Variants in SFMBT2 observed in about 807,000 individuals in gnomAD.
The protein encoded by SFMBT2 is Scm like with four mbt domains 2.
Under a neutral mutation model 110.1 loss-of-function variants are expected in SFMBT2, and 38 were observed. That is an observed-to-expected ratio of 0.35 (90% CI 0.27 to 0.45). SFMBT2 has a LOEUF of 0.45. SFMBT2 is among the 20% of genes least tolerant of loss of function. SFMBT2 has a pLI of 1.00. For missense variants in SFMBT2, 1,011 were observed against 1,094.9 expected (o/e 0.92, Z 1.08); for synonymous variants, 425 against 425.4 (o/e 1.00, Z 0.01).
At chr10:7,370,612 G>C (rs1845034696) in intron 2 of SFMBT2, among the ~76,000 whole-genome samples, 1 of 152,210 alleles carries the variant, frequency 6.6e-6, no homozygotes, top group Admixed American at 6.5e-5. Flanking sequence ...GAGTAACACT[G>C]GGTTCTCTGG....
At position 7,172,937 on chromosome 10, in the gene SFMBT2, A is replaced by C. The variant is rs1214608330; in HGVS notation, c.1985-276T>G. Among the ~76,000 whole-genome samples, 2 of 152,030 alleles carry C rather than the reference A, an allele frequency of 1.3e-5. No individual in the cohort carries two copies. The highest frequency in any genetic ancestry group is 4.8e-5 in the African/African-American group (2 of 41,344). On this transcript the variant is annotated intron_variant, in intron 17 of 20. Coordinates refer to ENST00000397167, the MANE Select transcript of SFMBT2 (RefSeq NM_001387889.1). This position sits in a 1 kb window ranked among gnomAD's most constrained non-coding sequence, Gnocchi z 4.6. ...TCCCGAACCCCCAAAGTGAGTGTAC[A>C]AGGGTGGGGCCCTAATCCAATAGGA...
intron 4 of SFMBT2, among the ~76,000 whole-genome samples, chr10:7,326,299 T>C (rs1375560492): frequency 6.6e-6 from 1 of 152,274 alleles, no homozygotes; most frequent in Non-Finnish European, 1.5e-5. Context: ...CCTTTGTGTC[T>C]GGCAGAACAT....
At chr10:7,394,449 C>T (rs1202495493) in intron 1 of SFMBT2, among the ~76,000 whole-genome samples, 1 of 151,554 alleles carries the variant, frequency 6.6e-6, no homozygotes, top group African/African-American at 2.4e-5. Context: ...GGGAACACGC[C>T]ACTTCCTAGT....
At chr10:7,263,074 A>G (rs2692778) in intron 7 of SFMBT2, among the ~76,000 whole-genome samples, 135,216 of 152,140 alleles carry the variant, frequency 0.89, 60,192 homozygotes, top group East Asian at 0.92. Flanking sequence ...CTGCAGAACC[A>G]TGCTTTCAGG....
chr10:7,175,309 A>C (rs992804202), intron 17 of SFMBT2, among the ~76,000 whole-genome samples: 1 of 152,224 alleles, frequency 6.6e-6, no homozygotes, highest in Non-Finnish European at 1.5e-5. Flanking sequence ...GGTCATCAGA[A>C]AGAAAGAAGG....
intron 2 of SFMBT2, among the ~76,000 whole-genome samples, chr10:7,377,749 T>C (rs1845280735): frequency 1.3e-5 from 2 of 152,118 alleles, no homozygotes; most frequent in Non-Finnish European, 2.9e-5. Flanking sequence ...CAGCTGTCAA[T>C]ACAGATGAAA....
chr10:7,242,404 A>G (rs1237042162), intron 9 of SFMBT2, among the ~76,000 whole-genome samples: 1 of 152,192 alleles, frequency 6.6e-6, no homozygotes, highest in Non-Finnish European at 1.5e-5. Context: ...CTGGAGACCT[A>G]CGATCCAAAT....
chr10:7,176,545 T>G (rs1032727195), intron 16 of SFMBT2: 3 of 981,694 alleles, frequency 3.1e-6, no homozygotes, highest in Admixed American at 6.2e-5. Flanking sequence ...ATTTCATTTT[T>G]GAAAAATGTG....
intron 10 of SFMBT2, 44 bp from the exon 11 acceptor site, chr10:7,220,581 C>A: frequency 2.5e-6 from 4 of 1,609,890 alleles, no homozygotes; most frequent in Non-Finnish European, 2.5e-6. Flanking sequence ...GCTGACGCAG[C>A]AGGACAAAGC....
rs750936248 is a variant in SFMBT2 at position 7,174,599 on chromosome 10, G to A, written c.1984+1391C>T. 3.3e-5 allele frequency among the ~76,000 whole-genome samples: 5 copies of A among 152,194 alleles called. No homozygotes were observed. In the South Asian group the frequency reaches 6.2e-4, roughly 19 times the overall value. ...CCGGAGACATCTCTGAGTTCATTTCGGCAATGCTGAATGGGAGGTGTGGGA... is the reference window on the plus strand; with the variant it reads ...CCGGAGACATCTCTGAGTTCATTTCAGCAATGCTGAATGGGAGGTGTGGGA... On this transcript the variant is annotated intron_variant, in intron 17 of 20. Coordinates refer to ENST00000397167, the MANE Select transcript of SFMBT2 (RefSeq NM_001387889.1).
chr10:7,189,762 T>A (rs2131579003), intron 15 of SFMBT2, among the ~76,000 whole-genome samples: 1 of 152,314 alleles, frequency 6.6e-6, no homozygotes, highest in Middle Eastern at 3.4e-3. Context: ...ACGCCAGGCA[T>A]GGAGCTCACA....
Position 7,367,569 on chromosome 10 carries a change from T to A in SFMBT2, c.436+80A>T, listed in dbSNP as rs1450599152. On this transcript the variant is annotated intron_variant, in intron 4 of 20. Transcript: ENST00000397167. The surrounding 1 kb of genome is among the most constrained non-coding windows in gnomAD (Gnocchi z 6.2). ...AGACCATTAGGGATTCTACGCAAGGTTCTCTCTGCTCCTTGCAAAATTACA... is the reference window on the plus strand; with the variant it reads ...AGACCATTAGGGATTCTACGCAAGGATCTCTCTGCTCCTTGCAAAATTACA... The A allele has an allele frequency of 6.5e-7, 1 of 1,537,230 alleles. No individual in the cohort carries two copies. Among genetic ancestry groups the A allele is most frequent in the East Asian group, 2.3e-5 (1 of 44,294 alleles).
intron 2 of SFMBT2, among the ~76,000 whole-genome samples, chr10:7,377,962 G>T (rs12259956): frequency 0.095 from 11,506 of 121,578 alleles, 849 homozygotes; most frequent in African/African-American, 0.19. Flanking sequence ...ATTTTGTGTG[G>T]GGGGGGGTTG....
At position 7,159,252 on chromosome 10, in the gene SFMBT2, T is replaced by C. The variant is rs1837488140; in HGVS notation, c.*4518A>G. 6.6e-6 allele frequency: 1 copy of C among 152,336 alleles called. No homozygotes were observed. Among genetic ancestry groups the C allele is most frequent in the South Asian group, 2.1e-4 (1 of 4,832 alleles). 9.4% of individuals were successfully genotyped at this position (152,336 alleles called of 1,614,324 possible). On this transcript the variant is annotated 3_prime_UTR_variant, in exon 21 of 21. Transcript: ENST00000397167. ...GAATTATTTGAGTTGTTACTTGTCA[T>C]TGAAACTAGAGAGGTTTTAAACCAA...
intron 17 of SFMBT2, among the ~76,000 whole-genome samples, chr10:7,173,057 T>C (rs903332862): frequency 1.3e-5 from 2 of 152,204 alleles, no homozygotes; most frequent in African/African-American, 4.8e-5. Context: ...GGTGGCTGCC[T>C]GAGGCCCAGG....
At chr10:7,232,157 T>G (rs553092557) in intron 9 of SFMBT2, among the ~76,000 whole-genome samples, 1 of 152,234 alleles carries the variant, frequency 6.6e-6, no homozygotes, top group Non-Finnish European at 1.5e-5. Flanking sequence ...TTATTCTGAA[T>G]GAAGTTTCAA....
At chr10:7,181,204 A>G (rs1838237830) in intron 16 of SFMBT2, among the ~76,000 whole-genome samples, 1 of 150,266 alleles carries the variant, frequency 6.7e-6, no homozygotes, top group Admixed American at 6.7e-5. Flanking sequence ...GTGCCACTGC[A>G]TTCCAGCCTG....
In SFMBT2 at chr10:7,218,629, T is replaced by G. The variant is rs374197306; in HGVS notation, c.1330+1782A>C. Among the ~76,000 whole-genome samples the G allele has an allele frequency of 1.7e-3, 264 of 152,300 alleles. 2 individuals are homozygous for G. The highest frequency in any genetic ancestry group is 0.017 in the Middle Eastern group (5 of 294). On this transcript the variant is annotated intron_variant, in intron 11 of 20. Transcript: ENST00000397167. Reference sequence around the variant, plus strand: ...TCATCACTACCCAATGAAAACACTCTGGGGAATAAGAAAAAGATCGGACAT... The same window carrying G: ...TCATCACTACCCAATGAAAACACTCGGGGGAATAAGAAAAAGATCGGACAT...
At chr10:7,300,302 G>C (rs748400151) in intron 4 of SFMBT2, among the ~76,000 whole-genome samples, 1 of 149,168 alleles carries the variant, frequency 6.7e-6, no homozygotes, top group Non-Finnish European at 1.5e-5. Context: ...TTTTTTTTAA[G>C]AAATAAAGAA....
Sources: allele counts gnomAD v4.1 joint callset (sites outside exome capture counted in the v4.1 genomes callset), GRCh38; gene constraint gnomAD v4.1.1; non-coding constraint Gnocchi (gnomAD v3.1); transcripts MANE v1.5; gene names NCBI Gene and HGNC (gene_info 2026-07-23, HGNC 2026-07-21).